The following PDHX variants were observed in gnomAD, a reference collection of about 807,000 sequenced individuals.
The protein encoded by PDHX is pyruvate dehydrogenase complex component X, also known as pyruvate dehydrogenase protein X component, mitochondrial.
PDHX carries 33 observed loss-of-function variants against 55.3 expected under a neutral mutation model. The ratio of observed to expected loss-of-function variants is 0.60; its 90% confidence interval spans 0.45 to 0.80. The LOEUF (loss-of-function observed/expected upper bound fraction) is 0.80. Ranked by LOEUF, PDHX falls within the 30% of genes least tolerant of loss-of-function variation. The pLI is 0.00. For synonymous variants in PDHX, 226 were observed against 219.4 expected, an observed-to-expected ratio of 1.03 and a Z score of -0.27; for missense variants, 622 against 619.9, an observed-to-expected ratio of 1.00 and a Z score of -0.04.
intron 2 of PDHX, among the ~76,000 whole-genome samples, chr11:34,933,094 C>T (rs1189022498): frequency 1.3e-5 from 2 of 152,006 alleles, no homozygotes; most frequent in African/African-American, 2.4e-5. Context: ...TGGAGGGAAC[C>T]GTGTGGGGGA....
intron 2 of PDHX, among the ~76,000 whole-genome samples, chr11:34,939,304 T>G (rs1345379948): frequency 1.3e-5 from 2 of 152,226 alleles, no homozygotes; most frequent in African/African-American, 4.8e-5. Context: ...AAAATTGATA[T>G]TTTTCATGAA....
At chr11:34,954,543 A>T (rs1565158830) in intron 3 of PDHX, among the ~76,000 whole-genome samples, 7 of 152,192 alleles carry the variant, frequency 4.6e-5, no homozygotes. Flanking sequence ...CTTACTACCC[A>T]TTATCGTATA....
intron 1 of PDHX, among the ~76,000 whole-genome samples, chr11:34,930,639 A>G (rs1268337521): frequency 6.6e-6 from 1 of 152,156 alleles, no homozygotes; most frequent in East Asian, 1.9e-4. Context: ...GGTGCTCTTG[A>G]ATGTAACCCT....
intron 4 of PDHX, among the ~76,000 whole-genome samples, chr11:34,958,665 C>A: frequency 6.6e-6 from 1 of 152,176 alleles, no homozygotes; most frequent in East Asian, 1.9e-4. Context: ...CCTTGACTCC[C>A]ATTTACTGTC....
At chr11:34,957,309 C>A in intron 3 of PDHX, 75 bp from the exon 4 acceptor site, 1 of 1,041,480 alleles carries the variant, frequency 9.6e-7, no homozygotes, top group Non-Finnish European at 1.5e-6. Flanking sequence ...GGGAGAATTA[C>A]CCAACAAAAG....
intron 1 of PDHX, among the ~76,000 whole-genome samples, chr11:34,919,947 G>A (rs724714): frequency 0.79 from 120,221 of 152,114 alleles, 47,669 homozygotes; most frequent in East Asian, 0.83. Context: ...TAAGGTATTT[G>A]TAGTCTCTTT....
At chr11:34,940,933 T>C (rs914677239) in intron 2 of PDHX, among the ~76,000 whole-genome samples, 1 of 152,266 alleles carries the variant, frequency 6.6e-6, no homozygotes, top group African/African-American at 2.4e-5. Flanking sequence ...TATGCGTTTT[T>C]ACATTTATTG....
chr11:34,916,522 G>T (rs1266623561), upstream of PDHX: 4 of 1,448,520 alleles, frequency 2.8e-6, no homozygotes, highest in South Asian at 2.7e-5. Flanking sequence ...GGCTGGGTTG[G>T]GGGGCGGGGG....
intron 2 of PDHX, among the ~76,000 whole-genome samples, chr11:34,934,488 T>G (rs1388118445): frequency 6.6e-6 from 1 of 151,746 alleles, no homozygotes; most frequent in African/African-American, 2.4e-5. Flanking sequence ...TGCCAATGTA[T>G]GGACCTAATT....
intron 10 of PDHX, among the ~76,000 whole-genome samples, chr11:34,994,589 T>A (rs1855819762): frequency 1.3e-5 from 2 of 152,238 alleles, no homozygotes; most frequent in Non-Finnish European, 2.9e-5. Context: ...CTGAGCTCCA[T>A]TATAATCTTA....
rs3215780 is a variant in PDHX, at chr11:34,947,724, A to AT, written c.342+119dup. The AT allele has an allele frequency of 0.055, 39,170 of 716,526 alleles. 1,253 individuals are homozygous for AT. The highest frequency in any genetic ancestry group is 0.071 in the Middle Eastern group (274 of 3,838). The allele number at this position is 716,526 out of a possible 1,614,324, so 44.4% of individuals were successfully genotyped here. A position where few individuals can be genotyped will look rare whatever the true frequency, so the allele number is the denominator to read the frequency against. On this transcript the variant is annotated intron_variant, in intron 3 of 10. Coordinates refer to ENST00000227868, the MANE Select transcript of PDHX (RefSeq NM_003477.3). Reference sequence around the variant, plus strand: ...ATTTTTAATGTGTATTGTCTACTACATAATACATTTTTAGTTCAAGTGTTT... The same window carrying AT: ...ATTTTTAATGTGTATTGTCTACTACATTAATACATTTTTAGTTCAAGTGTTT...
At chr11:34,965,974 A>G (rs770791571) in intron 5 of PDHX, among the ~76,000 whole-genome samples, 1 of 152,210 alleles carries the variant, frequency 6.6e-6, no homozygotes, top group African/African-American at 2.4e-5. Flanking sequence ...GGCTTAGCAT[A>G]TTTAGTAATC....
intron 2 of PDHX, among the ~76,000 whole-genome samples, chr11:34,936,173 G>A (rs1030225533): frequency 5.3e-5 from 8 of 152,206 alleles, no homozygotes; most frequent in African/African-American, 1.9e-4. Context: ...TGGGGTGTAA[G>A]GAAAGGCAAG....
rs553175892 is a variant in PDHX at position 34,921,968 on chromosome 11, G to T, written c.160+5153G>T. Among the ~76,000 whole-genome samples, 3 of 152,306 alleles carry T rather than the reference G, an allele frequency of 2.0e-5. No individual in the cohort carries two copies. In the South Asian group the frequency reaches 6.2e-4, roughly 32 times the overall value. On this transcript the variant is annotated intron_variant, in intron 1 of 10. Coordinates refer to ENST00000227868, the MANE Select transcript of PDHX (RefSeq NM_003477.3). The stretch of plus-strand genomic sequence containing the variant: ...CGGGAGAAGAAATAGACTCAGAGAG[G>T]TTTTAGCATTTTACCCAAGGTTAGT...
intron 6 of PDHX, among the ~76,000 whole-genome samples, chr11:34,969,436 C>T (rs1314866543): frequency 2.6e-5 from 4 of 151,620 alleles, no homozygotes; most frequent in Non-Finnish European, 5.9e-5. Flanking sequence ...CTCTGTCTCC[C>T]CGGTTCAAGT....
chr11:34,962,508 A>G (rs147469528), intron 5 of PDHX, among the ~76,000 whole-genome samples: 53 of 152,288 alleles, frequency 3.5e-4, no homozygotes, highest in African/African-American at 1.3e-3. Flanking sequence ...TATTGTCAGG[A>G]CTTAGAAGCC....
chr11:34,916,745 G>A lies in PDHX; in HGVS notation c.90G>A (p.Lys30=), dbSNP rs374923275. 4.2e-5 allele frequency: 67 copies of A among 1,612,542 alleles called. No individual in the cohort carries two copies. The highest frequency in any genetic ancestry group is 1.1e-4 in the African/African-American group (8 of 74,902). ...FPGRRSVGLV[K]GALGWSVSRG... ...GCCGCCGAAGCGTAGGGCTGGTGAA[G>A]GGGGCTCTTGGGTGGTCTGTAAGCC... is the stretch of plus-strand genomic sequence containing the variant. Residue 30 remains lysine (K), a synonymous_variant, in exon 1 of 11, where the codon AAG becomes AAA. Coordinates refer to ENST00000227868, the MANE Select transcript of PDHX (RefSeq NM_003477.3).
upstream of PDHX, chr11:34,916,408 G>C: frequency 6.6e-7 from 1 of 1,508,024 alleles, no homozygotes; most frequent in Non-Finnish European, 8.9e-7. Context: ...CCCGGGGGCG[G>C]GGCGAACGGG....
intron 1 of PDHX, among the ~76,000 whole-genome samples, chr11:34,927,214 A>G (rs1854047757): frequency 1.2e-5 from 1 of 86,924 alleles, no homozygotes; most frequent in African/African-American, 4.5e-5. Context: ...AGAACACTGA[A>G]GTGACTACAA....
Sources: gnomAD v4.1 joint callset for allele counts (sites outside exome capture counted in the v4.1 genomes callset) on GRCh38, gnomAD v4.1.1 for gene constraint, MANE v1.5 for transcripts, NCBI Gene and HGNC (gene_info 2026-07-23, HGNC 2026-07-21) for gene names.